Variants in ORC4 observed in about 807,000 individuals in gnomAD.
ORC4 encodes origin recognition complex, subunit 4 homolog.
In ORC4, 55 loss-of-function variants were observed where a neutral mutation model predicts 63.9. That is an observed-to-expected ratio of 0.86 (90% CI 0.69 to 1.08). The LOEUF (loss-of-function observed/expected upper bound fraction) is 1.08, where lower values mean the gene tolerates loss of function less well. Among genes scored for constraint, ORC4 ranks in the 50% least tolerant of loss-of-function variants. ORC4 has a pLI of 0.00. For missense variants in ORC4, 511 were observed against 504.4 expected (o/e 1.01, Z -0.13); for synonymous variants, 150 against 168.5 (o/e 0.89, Z 0.85).
At chr2:147,961,794 T>A (rs1004935246) in intron 4 of ORC4, among the ~76,000 whole-genome samples, 1 of 152,190 alleles carries the variant, frequency 6.6e-6, no homozygotes, top group Non-Finnish European at 1.5e-5. Flanking sequence ...TCCATTTTAT[T>A]AACTGATAAA....
chr2:147,945,513 A>T (rs923373575), intron 9 of ORC4, among the ~76,000 whole-genome samples: 2 of 152,088 alleles, frequency 1.3e-5, no homozygotes, highest in African/African-American at 4.8e-5. Flanking sequence ...ACAACCACAT[A>T]AGCTACAGTA....
intron 1 of ORC4, among the ~76,000 whole-genome samples, chr2:147,982,752 T>C (rs975109031): frequency 2.6e-5 from 4 of 152,226 alleles, no homozygotes; most frequent in Admixed American, 6.5e-5. Flanking sequence ...TGGTCAAATA[T>C]CTACTATATA....
intron 1 of ORC4, among the ~76,000 whole-genome samples, chr2:147,992,733 A>G (rs540084794): frequency 3.8e-4 from 58 of 152,264 alleles, no homozygotes; most frequent in African/African-American, 1.3e-3. Context: ...ACTCCAAAAT[A>G]AAGTCCTCCA....
intron 1 of ORC4, among the ~76,000 whole-genome samples, chr2:148,015,624 T>A (rs1573907250): frequency 6.6e-6 from 1 of 151,990 alleles, no homozygotes; most frequent in Middle Eastern, 3.4e-3. Flanking sequence ...TGGAATACAT[T>A]CTTAAATAAA....
chr2:148,003,220 C>T (rs1692424140), intron 1 of ORC4, among the ~76,000 whole-genome samples: 1 of 152,170 alleles, frequency 6.6e-6, no homozygotes, highest in Non-Finnish European at 1.5e-5. Flanking sequence ...TGAAACTATT[C>T]CAAATAAAAG....
intron 7 of ORC4, among the ~76,000 whole-genome samples, chr2:147,954,731 T>G (rs2105304967): frequency 6.6e-6 from 1 of 152,196 alleles, no homozygotes; most frequent in African/African-American, 2.4e-5. Context: ...AAGAACAAAA[T>G]TATTCAAATT....
chr2:148,005,414 G>A (rs1243627015), intron 1 of ORC4, among the ~76,000 whole-genome samples: 1 of 151,906 alleles, frequency 6.6e-6, no homozygotes, highest in Non-Finnish European at 1.5e-5. Context: ...GGATGGGGGG[G>A]CTAAGGGAGG....
chr2:148,008,195 C>T (rs1692739740), intron 1 of ORC4, among the ~76,000 whole-genome samples: 1 of 152,162 alleles, frequency 6.6e-6, no homozygotes, highest in Non-Finnish European at 1.5e-5. Context: ...TAACAAGCAA[C>T]AAGAAATCAT....
Position 147,958,355 on chromosome 2 carries a change from G to T in ORC4, c.330C>A (p.Ala110=). 6.2e-7 allele frequency: 1 copy of T among 1,611,828 alleles called. No individual in the cohort carries two copies. Among genetic ancestry groups the T allele is most frequent in the Non-Finnish European group, 8.5e-7 (1 of 1,178,666 alleles). Residue 110 remains alanine (A), a synonymous_variant, in exon 6 of 14, where the codon GCC becomes GCA. Coordinates refer to ENST00000392857, the MANE Select transcript of ORC4 (RefSeq NM_181741.4). The stretch of plus-strand genomic sequence containing the variant: ...TTAACTGCCTTGTGATTTCCTTTAG[G>T]GCGATTTTGTCATTGATCTGCAGCA... ...NGLLQINDKI[A]LKEITRQLNL...
At chr2:147,983,932 C>CA (rs1483555352) in intron 1 of ORC4, among the ~76,000 whole-genome samples, 1 of 152,142 alleles carries the variant, frequency 6.6e-6, no homozygotes, top group Non-Finnish European at 1.5e-5. Context: ...CACTGCCAGA[C>CA]AGTGAGAAAG....
Position 147,952,628 on chromosome 2 carries a change from A to G in ORC4, c.437-104T>C, listed in dbSNP as rs1689023406. On this transcript the variant is annotated intron_variant, in intron 7 of 13. Coordinates refer to ENST00000392857, the MANE Select transcript of ORC4 (RefSeq NM_181741.4). ...CAGTTTTTAAAACTCAATTCTGTAA[A>G]CATTCTGATAGCCTACTTTGGGTAG... is the stretch of plus-strand genomic sequence containing the variant. 13 of 849,868 alleles carry G rather than the reference A, an allele frequency of 1.5e-5. No individual in the cohort carries two copies. In the South Asian group the frequency reaches 1.9e-4, roughly 12 times the overall value. The allele number at this position is 849,868 out of a possible 1,614,324, so 52.6% of individuals were successfully genotyped here. A position where few individuals can be genotyped will look rare whatever the true frequency, so the allele number is the denominator to read the frequency against.
At chr2:147,983,311 G>A (rs1021768211) in intron 1 of ORC4, among the ~76,000 whole-genome samples, 6 of 152,152 alleles carry the variant, frequency 3.9e-5, no homozygotes, top group African/African-American at 9.7e-5. Context: ...CACTGGAACC[G>A]ATTCACTCAA....
intron 1 of ORC4, among the ~76,000 whole-genome samples, chr2:147,998,671 A>G (rs751226119): frequency 6.6e-6 from 1 of 152,194 alleles, no homozygotes; most frequent in African/African-American, 2.4e-5. Flanking sequence ...ATCTTTATAA[A>G]TTACCCAGTC....
Position 147,973,456 on chromosome 2 carries a change from T to C in ORC4, c.126A>G (p.Val42=). 1 of 1,597,002 alleles carries C rather than the reference T, an allele frequency of 6.3e-7. No homozygotes were observed. Among genetic ancestry groups the C allele is most frequent in the Non-Finnish European group, 8.6e-7 (1 of 1,164,680 alleles). ...SPHSNLFGVQ[V]QYKHLSELLK... ...AGGACAGCTAGACTTACTTGTATTG[T>C]ACTTGCACTCCAAATAGGTTACTAT... Residue 42 remains valine, a synonymous_variant, in exon 3 of 14, where the codon GTA becomes GTG. Transcript: ENST00000392857.
intron 4 of ORC4, among the ~76,000 whole-genome samples, chr2:147,965,191 C>A (rs1689830940): frequency 6.6e-6 from 1 of 151,942 alleles, no homozygotes; most frequent in African/African-American, 2.4e-5. Flanking sequence ...TACAGAGAGG[C>A]ACCCAACTGG....
chr2:147,990,588 T>C (rs996194398), intron 1 of ORC4, among the ~76,000 whole-genome samples: 1 of 152,242 alleles, frequency 6.6e-6, no homozygotes, highest in Non-Finnish European at 1.5e-5. Flanking sequence ...TCTGGTGAGA[T>C]GTTTCCTTGA....
At chr2:147,988,153 T>C (rs903007992) in intron 1 of ORC4, among the ~76,000 whole-genome samples, 5 of 152,020 alleles carry the variant, frequency 3.3e-5, no homozygotes, top group African/African-American at 7.2e-5. Context: ...AATATATACA[T>C]TGACAAATTT....
chr2:147,958,813 AT>A lies in ORC4; in HGVS notation c.278del (p.Asn93MetfsTer7). 1.4e-6 allele frequency: 2 copies of A among 1,462,952 alleles called. No homozygotes were observed. The highest frequency in any genetic ancestry group is 1.9e-6 in the Non-Finnish European group (2 of 1,043,802). The allele number at this position is 1,462,952 out of a possible 1,614,324, so 90.6% of individuals were successfully genotyped here. A position where few individuals can be genotyped will look rare whatever the true frequency, so the allele number is the denominator to read the frequency against. ...TACCATTTAAGTGAACTTGTAATACATTTTCACTCACTTCTTCTATTTCCAT... is the reference window on the plus strand; with the variant it reads ...TACCATTTAAGTGAACTTGTAATACATTTCACTCACTTCTTCTATTTCCAT... ...ELMEIEEVSE[N>X]VLQVHLNGLL... On this transcript the variant is annotated frameshift_variant, in exon 5 of 14. Transcript: ENST00000392857. LOFTEE classifies it high-confidence loss of function.
intron 1 of ORC4, among the ~76,000 whole-genome samples, chr2:147,993,814 AG>A (rs1691772932): frequency 6.6e-6 from 1 of 152,184 alleles, no homozygotes; most frequent in African/African-American, 2.4e-5. Flanking sequence ...CAAAGTTAAA[AG>A]GCTATCAATG....
Sources: gnomAD v4.1 joint callset for allele counts (sites outside exome capture counted in the v4.1 genomes callset) on GRCh38, gnomAD v4.1.1 for gene constraint, MANE v1.5 for transcripts, NCBI Gene and HGNC (gene_info 2026-07-23, HGNC 2026-07-21) for gene names.